The following PIWIL3 variants were observed in gnomAD, a reference collection of about 807,000 sequenced individuals.
PIWIL3 encodes piwi like RNA-mediated gene silencing 3, also known as piwi-like protein 3.
A neutral mutation model predicts 109.7 loss-of-function variants in PIWIL3; 101 were observed. The observed-to-expected ratio is 0.92, with a 90% CI of 0.78 to 1.09. The LOEUF (loss-of-function observed/expected upper bound fraction) is 1.09, where lower values mean the gene tolerates loss of function less well. Among genes scored for constraint, PIWIL3 ranks in the 50% least tolerant of loss-of-function variants. PIWIL3 has a pLI of 0.00. For missense variants in PIWIL3, 1,031 were observed against 1,072.6 expected (o/e 0.96, Z 0.54); for synonymous variants, 373 against 376.4 (o/e 0.99, Z 0.10).
chr22:24,735,046 TA>T (rs561351507), intron 13 of PIWIL3, among the ~76,000 whole-genome samples: 70 of 151,242 alleles, frequency 4.6e-4, no homozygotes, highest in African/African-American at 1.7e-3. Flanking sequence ...GGTAAAAAAA[TA>T]AAAAAATAAA....
At chr22:24,721,108 A>T (rs546276507) in intron 19 of PIWIL3, among the ~76,000 whole-genome samples, 1 of 152,214 alleles carries the variant, frequency 6.6e-6, no homozygotes, top group Admixed American at 6.5e-5. Flanking sequence ...CTCAGTGAGT[A>T]TCTGGTGGAT....
At position 24,760,780 on chromosome 22, in the gene PIWIL3, C is replaced by CAAAAAAA. The variant is rs61469163; in HGVS notation, c.103-798_103-792dup. On this transcript the variant is annotated intron_variant, in intron 2 of 20. Coordinates refer to ENST00000616349, the MANE Select transcript of PIWIL3 (RefSeq NM_001255975.1). ...GGGCAACAAGAGCGAAACTCTGTCT[C>CAAAAAAA]AAAAAAAAAAAAAAAAAAAAAAAGC... Among the ~76,000 whole-genome samples the CAAAAAAA allele has an allele frequency of 3.9e-3, 161 of 41,020 alleles. 19 individuals carry two copies. The highest frequency in any genetic ancestry group is 3.5e-3 in the African/African-American group (37 of 10,650). 26.9% of individuals were successfully genotyped at this position (41,020 alleles called of 152,430 possible).
intron 18 of PIWIL3, among the ~76,000 whole-genome samples, chr22:24,724,528 G>T (rs184534608): frequency 2.7e-5 from 4 of 150,854 alleles, no homozygotes; most frequent in African/African-American, 9.8e-5. Context: ...TCTGCCTCCC[G>T]GGTTCAAGTG....
At chr22:24,753,288 G>A (rs2147702056) in intron 8 of PIWIL3, among the ~76,000 whole-genome samples, 1 of 152,258 alleles carries the variant, frequency 6.6e-6, no homozygotes, top group Non-Finnish European at 1.5e-5. Flanking sequence ...CTTACATCTA[G>A]GTCTATTGAG....
rs77519289 is a variant in PIWIL3 at position 24,730,020 on chromosome 22, G to A, written c.1708-1646C>T. On this transcript the variant is annotated intron_variant, in intron 14 of 20. Coordinates refer to ENST00000616349, the MANE Select transcript of PIWIL3 (RefSeq NM_001255975.1). ...GAAAAGGACCAGCTTTAAGTTTTTTGGTTTTTGTGCAGAGATGAGTGGTGA... is the reference window on the plus strand; with the variant it reads ...GAAAAGGACCAGCTTTAAGTTTTTTAGTTTTTGTGCAGAGATGAGTGGTGA... Among the ~76,000 whole-genome samples the A allele has an allele frequency of 1.5e-3, 227 of 149,562 alleles. 5 individuals carry two copies. The South Asian group carries it at 0.031, about 20-fold the overall frequency.
intron 8 of PIWIL3, among the ~76,000 whole-genome samples, chr22:24,752,663 C>T (rs539727817): frequency 1.3e-5 from 2 of 152,246 alleles, no homozygotes; most frequent in African/African-American, 2.4e-5. Flanking sequence ...CTTTGTTTTC[C>T]TTAGTGTGAG....
chr22:24,748,884 T>C (rs895572354), intron 12 of PIWIL3, 23 bp downstream of exon 12: 3 of 1,569,812 alleles, frequency 1.9e-6, no homozygotes, highest in Non-Finnish European at 2.6e-6. Flanking sequence ...CACCATGACA[T>C]GATGATTTTG....
intron 12 of PIWIL3, among the ~76,000 whole-genome samples, chr22:24,738,913 A>G (rs1354217591): frequency 6.6e-6 from 1 of 152,172 alleles, no homozygotes; most frequent in Non-Finnish European, 1.5e-5. Flanking sequence ...AGAAACAGAT[A>G]TGTGACCTTT....
In PIWIL3 at chr22:24,756,719, C is replaced by T; in HGVS notation, c.356-14G>A. 1.9e-6 allele frequency: 3 copies of T among 1,595,392 alleles called. No individual in the cohort carries two copies. Among genetic ancestry groups the T allele is most frequent in the Non-Finnish European group, 2.6e-6 (3 of 1,164,318 alleles). ...TACCCTCTGAACCTGAAAAATGGAG[C>T]CACATGACAATAAAGAAACAGACTG... On this transcript the variant is annotated splice_polypyrimidine_tract_variant and intron_variant, in intron 4 of 20. Transcript: ENST00000616349.
chr22:24,745,126 G>A (rs1198936776), intron 12 of PIWIL3, among the ~76,000 whole-genome samples: 4 of 152,172 alleles, frequency 2.6e-5, no homozygotes, highest in Non-Finnish European at 5.9e-5. Context: ...AATGACCACT[G>A]TTCATGGGTC....
At chr22:24,759,422 G>A (rs1483888378) in intron 3 of PIWIL3, among the ~76,000 whole-genome samples, 3 of 152,182 alleles carry the variant, frequency 2.0e-5, no homozygotes, top group African/African-American at 4.8e-5. Flanking sequence ...GATCACATTA[G>A]CCGAAACCTT....
chr22:24,728,414 A>G (rs1294614660), intron 14 of PIWIL3, 40 bp from the exon 15 acceptor site: 2 of 1,612,426 alleles, frequency 1.2e-6, no homozygotes, highest in Admixed American at 3.3e-5. Flanking sequence ...AAGATACAAC[A>G]ACAGTGATAC....
In PIWIL3 at chr22:24,733,694, A is replaced by G. The variant is rs1923484207; in HGVS notation, c.1707+390T>C. Among the ~76,000 whole-genome samples, 4 of 115,704 alleles carry G rather than the reference A, an allele frequency of 3.5e-5. No homozygotes were observed. In the South Asian group the frequency reaches 1.5e-3, roughly 42 times the overall value. 75.9% of individuals were successfully genotyped at this position (115,704 alleles called of 152,430 possible). On this transcript the variant is annotated intron_variant, in intron 14 of 20. Coordinates refer to ENST00000616349, the MANE Select transcript of PIWIL3 (RefSeq NM_001255975.1). ...GACTCCATCTCAAAAACAAACAAACAAACAAAAAACAACAACAACAAAAAA... is the reference window on the plus strand; with the variant it reads ...GACTCCATCTCAAAAACAAACAAACGAACAAAAAACAACAACAACAAAAAA...
At chr22:24,720,033 A>C in intron 19 of PIWIL3, 138 bp from the exon 20 acceptor site, 1 of 730,892 alleles carries the variant, frequency 1.4e-6, no homozygotes. Context: ...TACATTTAGA[A>C]ACCTAACTGA....
intron 12 of PIWIL3, among the ~76,000 whole-genome samples, chr22:24,741,721 C>A (rs1249516278): frequency 6.6e-6 from 1 of 152,116 alleles, no homozygotes; most frequent in Non-Finnish European, 1.5e-5. Context: ...AACTGGAAAT[C>A]AGCTCCAAAA....
intron 1 of PIWIL3, among the ~76,000 whole-genome samples, chr22:24,772,798 T>A (rs1926202472): frequency 6.6e-6 from 1 of 152,086 alleles, no homozygotes; most frequent in African/African-American, 2.4e-5. Flanking sequence ...GAAGAGAAAG[T>A]TTTAAGGCTG....
chr22:24,741,588 C>T (rs1337234155), intron 12 of PIWIL3, among the ~76,000 whole-genome samples: 1 of 151,996 alleles, frequency 6.6e-6, no homozygotes, highest in Admixed American at 6.6e-5. Flanking sequence ...AAGGGACATA[C>T]CTTAAGGTAA....
intron 14 of PIWIL3, among the ~76,000 whole-genome samples, chr22:24,733,287 G>A (rs773206727): frequency 1.3e-5 from 2 of 151,646 alleles, no homozygotes; most frequent in Non-Finnish European, 3.0e-5. Flanking sequence ...CTAGTGTAAA[G>A]AGCCCAAGAA....
chr22:24,757,092 A>AG (rs980586667), intron 4 of PIWIL3, among the ~76,000 whole-genome samples: 6 of 150,618 alleles, frequency 4.0e-5, no homozygotes, highest in African/African-American at 1.2e-4. Flanking sequence ...AAAAAAAAAA[A>AG]AAAAAAAAAA....
Sources: gnomAD v4.1 joint callset for allele counts (sites outside exome capture counted in the v4.1 genomes callset) on GRCh38, gnomAD v4.1.1 for gene constraint, MANE v1.5 for transcripts, NCBI Gene and HGNC (gene_info 2026-07-23, HGNC 2026-07-21) for gene names.